The following SGCD variants were observed in gnomAD, a reference collection of about 807,000 sequenced individuals.
SGCD encodes the protein delta-sarcoglycan.
In SGCD, 18 loss-of-function variants were observed where a neutral mutation model predicts 36.6. The observed-to-expected ratio is 0.49, with a 90% CI of 0.34 to 0.73. The LOEUF is 0.73. Among genes scored for constraint, SGCD ranks in the 30% least tolerant of loss-of-function variants. The pLI is 0.01. For missense variants in SGCD, 387 were observed against 346.7 expected, an observed-to-expected ratio of 1.12 and a Z score of -0.92; for synonymous variants, 133 against 130.6, an observed-to-expected ratio of 1.02 and a Z score of -0.12.
intron 1 of SGCD, among the ~76,000 whole-genome samples, chr5:155,904,514 G>A (rs770968006): frequency 5.9e-5 from 9 of 152,056 alleles, no homozygotes; most frequent in South Asian, 2.1e-4. Context: ...TAATTTGTTC[G>A]TATGTTTTAT....
chr5:155,743,939 G>A, the SGCD span, among the ~76,000 whole-genome samples: 1 of 152,198 alleles, frequency 6.6e-6, no homozygotes, highest in South Asian at 2.1e-4. Context: ...AGGACCAAGT[G>A]TCCCTTGGTT....
chr5:155,796,352 T>A, the SGCD span, among the ~76,000 whole-genome samples: 1 of 152,142 alleles, frequency 6.6e-6, no homozygotes, highest in Admixed American at 6.5e-5. Flanking sequence ...CTAAATAATC[T>A]GTGTGTCAAA....
chr5:156,002,740 T>G (rs928939770), intron 1 of SGCD, among the ~76,000 whole-genome samples: 1 of 152,224 alleles, frequency 6.6e-6, no homozygotes, highest in Non-Finnish European at 1.5e-5. Flanking sequence ...CAGACTCTGA[T>G]TCGATGGGTC....
chr5:155,971,288 G>C (rs1335420135), intron 1 of SGCD, among the ~76,000 whole-genome samples: 1 of 152,144 alleles, frequency 6.6e-6, no homozygotes, highest in Non-Finnish European at 1.5e-5. Flanking sequence ...AGCCAAGTCT[G>C]TCTGGCAGCA....
chr5:156,478,376 G>A (rs1755281494), intron 3 of SGCD, among the ~76,000 whole-genome samples: 1 of 152,120 alleles, frequency 6.6e-6, no homozygotes, highest in African/African-American at 2.4e-5. Flanking sequence ...CTGTGCAGGT[G>A]GCTCTGCTCC....
intron 3 of SGCD, among the ~76,000 whole-genome samples, chr5:156,414,627 G>A (rs1262958228): frequency 6.6e-6 from 1 of 152,338 alleles, no homozygotes; most frequent in Admixed American, 6.5e-5. Context: ...AATGAGTGTG[G>A]CTGTATTCCA....
rs13354943 is a variant in SGCD at position 156,052,345 on chromosome 5, G to A, written c.-281-65533G>A. 2.5e-3 allele frequency among the ~76,000 whole-genome samples: 368 copies of A among 146,438 alleles called. 20 individuals are homozygous for A. Among genetic ancestry groups the A allele is most frequent in the African/African-American group, 8.8e-3 (360 of 40,818 alleles). On this transcript the variant is annotated intron_variant, in intron 1 of 9. Transcript: ENST00000517913. ...AAGCCATTGTGGCTGGAATATTACA[G>A]ATGAAAGGGGAGAGGCTGGCAGGGT...
At chr5:156,692,705 A>G (rs1477784531) in intron 7 of SGCD, among the ~76,000 whole-genome samples, 1 of 152,220 alleles carries the variant, frequency 6.6e-6, no homozygotes, top group African/African-American at 2.4e-5. Context: ...TATAAAATAA[A>G]TGCTTTTAAA....
intron 1 of SGCD, among the ~76,000 whole-genome samples, chr5:155,949,347 G>T (rs775407648): frequency 6.6e-6 from 1 of 152,078 alleles, no homozygotes; most frequent in Non-Finnish European, 1.5e-5. Context: ...AAGAAAGATG[G>T]CTAGTCCTAA....
chr5:156,334,590 G>T (rs1333215422), intron 2 of SGCD, among the ~76,000 whole-genome samples: 2 of 145,558 alleles, frequency 1.4e-5, no homozygotes, highest in African/African-American at 2.6e-5. Flanking sequence ...CCCAGCCCCT[G>T]GTACTGCTGG....
At chr5:156,285,384 G>A (rs1046601761) in intron 3 of SGCD, among the ~76,000 whole-genome samples, 3 of 152,136 alleles carry the variant, frequency 2.0e-5, no homozygotes, top group African/African-American at 7.2e-5. Context: ...TAAGCCAAAA[G>A]AACAAAGCTG....
At chr5:156,169,243 T>C (rs904916371) in intron 3 of SGCD, among the ~76,000 whole-genome samples, 2 of 152,240 alleles carry the variant, frequency 1.3e-5, no homozygotes, top group Admixed American at 1.3e-4. Context: ...GAGTAGTTGC[T>C]GGCCTATTTA....
intron 6 of SGCD, among the ~76,000 whole-genome samples, chr5:156,625,377 T>C (rs1274490885): frequency 6.6e-6 from 1 of 152,182 alleles, no homozygotes; most frequent in African/African-American, 2.4e-5. Context: ...GATAAAATAA[T>C]GTATGTTTGT....
chr5:155,758,471 C>T, the SGCD span, among the ~76,000 whole-genome samples: 18 of 152,142 alleles, frequency 1.2e-4, no homozygotes, highest in Non-Finnish European at 2.1e-4. Flanking sequence ...AGTGTAGTTT[C>T]GCATTTCATG....
intron 3 of SGCD, among the ~76,000 whole-genome samples, chr5:156,139,347 T>G (rs951699551): frequency 1.6e-5 from 2 of 122,824 alleles, no homozygotes; most frequent in East Asian, 4.9e-4. Flanking sequence ...TTAATTTTTG[T>G]AGTTTGGGCT....
At chr5:156,678,158 C>T (rs1194045328) in intron 7 of SGCD, among the ~76,000 whole-genome samples, 4 of 152,126 alleles carry the variant, frequency 2.6e-5, no homozygotes, top group African/African-American at 9.7e-5. Flanking sequence ...CAGATGATAC[C>T]AGGCTGTGGC....
chr5:155,840,822 A>G, the SGCD span, among the ~76,000 whole-genome samples: 4 of 151,448 alleles, frequency 2.6e-5, no homozygotes, highest in African/African-American at 9.7e-5. Context: ...GACCAGCCTG[A>G]TCAACATGGA....
At chr5:156,515,806 C>A (rs1200940273) in intron 4 of SGCD, among the ~76,000 whole-genome samples, 1 of 152,246 alleles carries the variant, frequency 6.6e-6, no homozygotes, top group Non-Finnish European at 1.5e-5. Flanking sequence ...GAGCTGCCAT[C>A]ACTGTGCCCC....
intron 3 of SGCD, among the ~76,000 whole-genome samples, chr5:156,466,486 A>G (rs529478741): frequency 6.6e-6 from 1 of 152,278 alleles, no homozygotes; most frequent in South Asian, 2.1e-4. Flanking sequence ...TGATTCATTT[A>G]CCCAACTCTC....
Sources: allele counts gnomAD v4.1 joint callset (sites outside exome capture counted in the v4.1 genomes callset), GRCh38; gene constraint gnomAD v4.1.1; transcripts MANE v1.5; gene names NCBI Gene and HGNC (gene_info 2026-07-23, HGNC 2026-07-21).